NRXN3: variants seen among roughly 807,000 people sequenced by gnomAD.
NRXN3 encodes the protein neurexin III.
NRXN3 carries 32 observed loss-of-function variants against 137.6 expected under a neutral mutation model. The ratio of observed to expected loss-of-function variants is 0.23; its 90% confidence interval spans 0.18 to 0.31. The LOEUF (loss-of-function observed/expected upper bound fraction) is 0.31. Ranked by LOEUF, NRXN3 falls within the 10% of genes least tolerant of loss-of-function variation. The probability of loss-of-function intolerance (pLI) is 1.00; values close to 1 mark genes in which losing one functional copy is unlikely to be tolerated. For synonymous variants in NRXN3, 798 were observed against 784.5 expected, an observed-to-expected ratio of 1.02 and a Z score of -0.29; for missense variants, 1,574 against 2,062.5, an observed-to-expected ratio of 0.76 and a Z score of 4.59.
intron 15 of NRXN3, among the ~76,000 whole-genome samples, chr14:79,289,708 T>C (rs2082852274): frequency 6.6e-6 from 1 of 152,186 alleles, no homozygotes; most frequent in Admixed American, 6.5e-5. Flanking sequence ...TCTGAAGGCT[T>C]CCTTTGTATA....
At chr14:78,337,645 G>A (rs565873077) in intron 4 of NRXN3, among the ~76,000 whole-genome samples, 60 of 152,256 alleles carry the variant, frequency 3.9e-4, no homozygotes, top group South Asian at 2.1e-3. Flanking sequence ...CACCCTGTGT[G>A]TTAGGCAGAG....
chr14:78,367,598 C>G (rs1005716100), intron 4 of NRXN3, among the ~76,000 whole-genome samples: 1 of 152,152 alleles, frequency 6.6e-6, no homozygotes, highest in African/African-American at 2.4e-5. Context: ...CTAAGACAAA[C>G]AGAGACCACA....
chr14:79,458,982 G>A (rs1022718409), intron 15 of NRXN3, among the ~76,000 whole-genome samples: 4 of 151,956 alleles, frequency 2.6e-5, no homozygotes, highest in African/African-American at 9.7e-5. Context: ...TGCTGTTTTT[G>A]TTTTGTTTTT....
At chr14:78,206,188 C>CT (rs1457291245) in intron 1 of NRXN3, among the ~76,000 whole-genome samples, 2 of 152,198 alleles carry the variant, frequency 1.3e-5, no homozygotes, top group Non-Finnish European at 2.9e-5. Flanking sequence ...CTTTTTTCCT[C>CT]TGACACCATG....
intron 4 of NRXN3, among the ~76,000 whole-genome samples, chr14:78,610,217 A>G (rs1386691400): frequency 6.6e-6 from 1 of 152,240 alleles, no homozygotes; most frequent in Non-Finnish European, 1.5e-5. Flanking sequence ...AGCACGTGGA[A>G]ATATTTTAAA....
At chr14:78,546,045 T>C (rs1371387665) in intron 4 of NRXN3, among the ~76,000 whole-genome samples, 3 of 152,234 alleles carry the variant, frequency 2.0e-5, no homozygotes, top group Admixed American at 6.5e-5. Context: ...TAAATATCAT[T>C]GTGTATTTGC....
chr14:79,303,009 G>A (rs2085404582), intron 15 of NRXN3, among the ~76,000 whole-genome samples: 1 of 151,842 alleles, frequency 6.6e-6, no homozygotes, highest in South Asian at 2.1e-4. Context: ...ATTTGGAGGG[G>A]ACAAACATCC....
intron 19 of NRXN3, among the ~76,000 whole-genome samples, chr14:79,797,711 A>C (rs1374026763): frequency 6.6e-6 from 1 of 152,130 alleles, no homozygotes; most frequent in Admixed American, 6.5e-5. Context: ...GCTTAAATTG[A>C]GTGAGTGAGA....
intron 10 of NRXN3, among the ~76,000 whole-genome samples, chr14:78,831,508 C>T (rs2098981726): frequency 8.0e-6 from 1 of 125,418 alleles, no homozygotes; most frequent in South Asian, 2.8e-4. Context: ...ACACTCCAGC[C>T]TGGGTGACAG....
In NRXN3 at chr14:78,473,169, G is replaced by A. The variant is rs574660041; in HGVS notation, c.758-171951G>A. 6.6e-5 allele frequency among the ~76,000 whole-genome samples: 10 copies of A among 152,158 alleles called. 1 individual carries two copies. The highest frequency in any genetic ancestry group is 1.7e-4 in the African/African-American group (7 of 41,526). ...TGTAATCCCAGCACTTTGGGAGGCC[G>A]AGGTGGGTGGATCATGAGGTCAGGA... On this transcript the variant is annotated intron_variant, in intron 4 of 20. Transcript: ENST00000335750.
At chr14:79,575,631 A>G (rs1176525167) in intron 16 of NRXN3, among the ~76,000 whole-genome samples, 1 of 152,148 alleles carries the variant, frequency 6.6e-6, no homozygotes, top group East Asian at 1.9e-4. Context: ...TTTTCTCTCT[A>G]AAGCAGAATT....
chr14:79,369,450 T>C (rs748639901), intron 15 of NRXN3, among the ~76,000 whole-genome samples: 5 of 152,136 alleles, frequency 3.3e-5, no homozygotes, highest in African/African-American at 1.2e-4. Flanking sequence ...TGGTGAGTGA[T>C]CCATGGAATT....
intron 4 of NRXN3, among the ~76,000 whole-genome samples, chr14:78,532,916 A>G (rs1354375818): frequency 6.6e-6 from 1 of 152,040 alleles, no homozygotes; most frequent in African/African-American, 2.4e-5. Flanking sequence ...TATCTCAGCT[A>G]GCTGTCTCAG....
In NRXN3 at chr14:79,404,748, G is replaced by T. The variant is rs192342472; in HGVS notation, c.3263-62473G>T. 2.5e-3 allele frequency among the ~76,000 whole-genome samples: 382 copies of T among 152,298 alleles called. 4 individuals carry two copies. Among genetic ancestry groups the T allele is most frequent in the Non-Finnish European group, 1.5e-3 (100 of 68,016 alleles). ...GAACAAGGCTGTGAGACGTGTGCTT[G>T]GTTTGTTTAGGCTTTAAAACTTGTC... On this transcript the variant is annotated intron_variant, in intron 15 of 20. Coordinates refer to ENST00000335750, the MANE Select transcript of NRXN3 (RefSeq NM_001330195.2).
intron 16 of NRXN3, among the ~76,000 whole-genome samples, chr14:79,616,767 T>C (rs936107883): frequency 5.9e-5 from 9 of 152,202 alleles, no homozygotes; most frequent in African/African-American, 2.2e-4. Context: ...GCCATTGAAA[T>C]TCATAGACCT....
At chr14:78,905,383 A>G (rs2099212477) in intron 10 of NRXN3, among the ~76,000 whole-genome samples, 2 of 152,110 alleles carry the variant, frequency 1.3e-5, no homozygotes, top group South Asian at 4.1e-4. Context: ...ATACTTTGTC[A>G]TCCCAACTGG....
chr14:78,991,680 G>A (rs2099519225), intron 15 of NRXN3, among the ~76,000 whole-genome samples: 1 of 152,184 alleles, frequency 6.6e-6, no homozygotes, highest in Non-Finnish European at 1.5e-5. Flanking sequence ...TTAATCATAT[G>A]TAGGCATGAC....
At chr14:78,910,213 G>C (rs1398651606) in intron 10 of NRXN3, among the ~76,000 whole-genome samples, 1 of 152,010 alleles carries the variant, frequency 6.6e-6, no homozygotes, top group Non-Finnish European at 1.5e-5. Context: ...ATAGCAGAAA[G>C]AGCTCAGTGA....
At chr14:78,480,140 G>T (rs1277367138) in intron 4 of NRXN3, among the ~76,000 whole-genome samples, 7 of 152,010 alleles carry the variant, frequency 4.6e-5, no homozygotes, top group African/African-American at 1.4e-4. Context: ...GACCCTCAAA[G>T]AAACAAACAA....
Sources: allele counts gnomAD v4.1 joint callset (sites outside exome capture counted in the v4.1 genomes callset), GRCh38; gene constraint gnomAD v4.1.1; transcripts MANE v1.5; gene names NCBI Gene and HGNC (gene_info 2026-07-23, HGNC 2026-07-21).